LOXL3: variants seen among roughly 807,000 people sequenced by gnomAD.
LOXL3 encodes lysyl oxidase like 3, also known as lysyl oxidase homolog 3.
A neutral mutation model predicts 91.8 loss-of-function variants in LOXL3; 60 were observed. The observed-to-expected ratio is 0.65, with a 90% CI of 0.53 to 0.81. The LOEUF (loss-of-function observed/expected upper bound fraction) is 0.81. LOXL3 is among the 30% of genes least tolerant of loss of function. The probability of loss-of-function intolerance (pLI) is 0.00; values close to 1 mark genes in which losing one functional copy is unlikely to be tolerated. For missense variants in LOXL3, 874 were observed against 1,000.4 expected, an observed-to-expected ratio of 0.87 and a Z score of 1.70; for synonymous variants, 355 against 387.6, an observed-to-expected ratio of 0.92 and a Z score of 0.99.
At position 74,536,277 on chromosome 2, in the gene LOXL3, C is replaced by T. The variant is rs1156925375; in HGVS notation, c.1093+14G>A. On this transcript the variant is annotated intron_variant, in intron 6 of 13. Transcript: ENST00000264094. This position sits in a 1 kb window ranked among gnomAD's most constrained non-coding sequence, Gnocchi z 4.5. ...ACCTCCTTCCCTCTCCCTCCCACCT[C>T]CATGCCACCTCACCCTGCCCCATGC... is the stretch of plus-strand genomic sequence containing the variant. 1 of 1,613,422 alleles carries T rather than the reference C, an allele frequency of 6.2e-7. No individual in the cohort carries two copies. Among genetic ancestry groups the T allele is most frequent in the African/African-American group, 1.3e-5 (1 of 75,050 alleles).
chr2:74,551,881 A>T (rs1343251249), intron 2 of LOXL3, among the ~76,000 whole-genome samples: 1 of 152,258 alleles, frequency 6.6e-6, no homozygotes, highest in Non-Finnish European at 1.5e-5. Flanking sequence ...CCACCTTGTT[A>T]GTTTTAGCTC....
intron 1 of LOXL3, chr2:74,553,099 C>T (rs1677128122): frequency 6.3e-6 from 1 of 158,668 alleles, no homozygotes; most frequent in Admixed American, 6.3e-5. Flanking sequence ...GAACCAAGCA[C>T]ACCGCGGGTG....
At chr2:74,555,332 C>A, upstream of LOXL3, 3 of 1,613,806 alleles carry the variant, frequency 1.9e-6, no homozygotes, top group Non-Finnish European at 2.5e-6. The surrounding 1 kb of genome is among the most constrained non-coding windows in gnomAD (Gnocchi z 6.1). Flanking sequence ...ACCGTGGAGA[C>A]CCCCCCTGAG....
At chr2:74,550,494 C>A in intron 2 of LOXL3, 146 bp from the exon 3 acceptor site, 1 of 853,124 alleles carries the variant, frequency 1.2e-6, no homozygotes, top group Non-Finnish European at 1.8e-6. Flanking sequence ...GGAGACGGGA[C>A]AGGGGACCCT....
At chr2:74,552,280 A>G (rs369498832) in intron 2 of LOXL3, 42 bp downstream of exon 2, 205 of 1,555,300 alleles carry the variant, frequency 1.3e-4, no homozygotes, top group Non-Finnish European at 1.7e-4. Flanking sequence ...CACTTTGGCC[A>G]CACATAGGAA....
chr2:74,536,736 C>T lies in LOXL3; in HGVS notation c.885G>A (p.Lys295=). Residue 295 remains lysine (K), a synonymous_variant, in exon 5 of 14, where the codon AAG becomes AAA. Transcript: ENST00000264094. This position sits in a 1 kb window ranked among gnomAD's most constrained non-coding sequence, Gnocchi z 4.5. ...PVYAASSGQK[K]QQQSKPQGEA... The stretch of plus-strand genomic sequence containing the variant: ...CCCCCTGAGGCTTCGACTGTTGTTG[C>T]TTCTTCTGGCCACTGGATGCCGCGT... The T allele has an allele frequency of 6.2e-7, 1 of 1,614,162 alleles. No homozygotes were observed. The highest frequency in any genetic ancestry group is 8.5e-7 in the Non-Finnish European group (1 of 1,179,990).
Position 74,532,510 on chromosome 2 carries a change from C to T in LOXL3, c.*1096G>A, listed in dbSNP as rs536445186. 1.2e-6 allele frequency: 1 copy of T among 826,882 alleles called. No individual in the cohort carries two copies. The highest frequency in any genetic ancestry group is 2.6e-5 in the East Asian group (1 of 37,922). 51.2% of individuals were successfully genotyped at this position (826,882 alleles called of 1,614,324 possible). On this transcript the variant is annotated 3_prime_UTR_variant, in exon 14 of 14. Coordinates refer to ENST00000264094, the MANE Select transcript of LOXL3 (RefSeq NM_032603.5). ...GCCATTGTATTTTGTAGTACCTAGC[C>T]CATGTCCTGTCCATATATTTATCAA...
At chr2:74,534,067 C>G (rs1190433635) in intron 12 of LOXL3, 33 bp downstream of exon 12, 3 of 1,612,914 alleles carry the variant, frequency 1.9e-6, no homozygotes, top group Non-Finnish European at 2.5e-6. Flanking sequence ...GCTCCCCCCA[C>G]TCACCCATCT....
chr2:74,538,856 T>C (rs1357272032), intron 4 of LOXL3, among the ~76,000 whole-genome samples: 2 of 152,096 alleles, frequency 1.3e-5, no homozygotes, highest in Non-Finnish European at 2.9e-5. Context: ...GGAAGATAAG[T>C]AAACATGTGG....
At chr2:74,550,678 C>T (rs967969804) in intron 2 of LOXL3, among the ~76,000 whole-genome samples, 2 of 152,194 alleles carry the variant, frequency 1.3e-5, no homozygotes, top group African/African-American at 4.8e-5. Context: ...GCCAGGTGCT[C>T]TGCCATGGTG....
Position 74,549,283 on chromosome 2 carries a change from C to T in LOXL3, c.692+86G>A, listed in dbSNP as rs1676830350. ...CCGACCCCCGGGTCCTCCCGTGCCCCGGACCTGCTCAGATGTCTCCCAAGG... is the reference window on the plus strand; with the variant it reads ...CCGACCCCCGGGTCCTCCCGTGCCCTGGACCTGCTCAGATGTCTCCCAAGG... On this transcript the variant is annotated intron_variant, in intron 4 of 13. Coordinates refer to ENST00000264094, the MANE Select transcript of LOXL3 (RefSeq NM_032603.5). This position sits in a 1 kb window ranked among gnomAD's most constrained non-coding sequence, Gnocchi z 5.3. The T allele has an allele frequency of 2.1e-6, 3 of 1,410,002 alleles. No homozygotes were observed. The highest frequency in any genetic ancestry group is 1.9e-6 in the Non-Finnish European group (2 of 1,071,622). 87.3% of individuals were successfully genotyped at this position (1,410,002 alleles called of 1,614,324 possible).
At chr2:74,542,035 G>A (rs1317525810) in intron 4 of LOXL3, among the ~76,000 whole-genome samples, 1 of 152,220 alleles carries the variant, frequency 6.6e-6, no homozygotes, top group Non-Finnish European at 1.5e-5. Flanking sequence ...GCTTACGCCT[G>A]TAATCCCAGC....
chr2:74,542,527 C>A (rs1372958445), intron 4 of LOXL3, among the ~76,000 whole-genome samples: 3 of 152,016 alleles, frequency 2.0e-5, no homozygotes, highest in Non-Finnish European at 4.4e-5. Context: ...CATGCACACA[C>A]ACACACACAC....
chr2:74,533,781 A>G lies in LOXL3; in HGVS notation c.2188+101T>C. 7.0e-6 allele frequency: 10 copies of G among 1,426,840 alleles called. No homozygotes were observed. In the South Asian group the frequency reaches 8.2e-5, roughly 12 times the overall value. The allele number at this position is 1,426,840 out of a possible 1,614,324, so 88.4% of individuals were successfully genotyped here. On this transcript the variant is annotated intron_variant, in intron 13 of 13. Transcript: ENST00000264094. Reference sequence around the variant, plus strand: ...TAGAAGTGGAGGGACTGAGAGCTCTACAGGAAGGTGGGAAGATGGAGAAAC... The same window carrying G: ...TAGAAGTGGAGGGACTGAGAGCTCTGCAGGAAGGTGGGAAGATGGAGAAAC...
chr2:74,554,345 C>A (rs1445618150), upstream of LOXL3: 1 of 189,664 alleles, frequency 5.3e-6, no homozygotes, highest in Non-Finnish European at 1.1e-5. This position sits in a 1 kb window ranked among gnomAD's most constrained non-coding sequence, Gnocchi z 4.9. Context: ...TGGGGGCGGG[C>A]CCGGCCAGGG....
chr2:74,535,233 G>T lies in LOXL3; in HGVS notation c.1579+59C>A. On this transcript the variant is annotated intron_variant, in intron 9 of 13. Coordinates refer to ENST00000264094, the MANE Select transcript of LOXL3 (RefSeq NM_032603.5). The surrounding 1 kb of genome is among the most constrained non-coding windows in gnomAD (Gnocchi z 4.2). ...CTCCAGATTACAGCCCCCTTTCCCT[G>T]CAAACGGGTGGCCCAGACACTCCCT... 1 of 1,548,876 alleles carries T rather than the reference G, an allele frequency of 6.5e-7. No individual in the cohort carries two copies. The highest frequency in any genetic ancestry group is 8.7e-7 in the Non-Finnish European group (1 of 1,146,000).
At position 74,536,386 on chromosome 2, in the gene LOXL3, T is replaced by C; in HGVS notation, c.998A>G (p.Asp333Gly). 6.2e-7 allele frequency: 1 copy of C among 1,614,122 alleles called. No individual in the cohort carries two copies. The highest frequency in any genetic ancestry group is 8.5e-7 in the Non-Finnish European group (1 of 1,180,022). ...LKASTWGTVC[D>G]RKWDLHAASV... ...GGCTGCATGCAGGTCCCACTTGCGG[T>C]CACAGACTGTGCCCCATGTGCTGGC... Residue 333 changes from aspartate (D) to glycine (G), a missense_variant, in exon 6 of 14, where the codon GAC becomes GGC. Coordinates refer to ENST00000264094, the MANE Select transcript of LOXL3 (RefSeq NM_032603.5). The surrounding 1 kb of genome is among the most constrained non-coding windows in gnomAD (Gnocchi z 4.5).
At chr2:74,537,123 A>G (rs1175812613) in intron 4 of LOXL3, among the ~76,000 whole-genome samples, 195 bp from the exon 5 acceptor site, 1 of 152,188 alleles carries the variant, frequency 6.6e-6, no homozygotes, top group Admixed American at 6.5e-5. Flanking sequence ...GGGAGCCTCA[A>G]CTACCCAGAT....
Position 74,533,892 on chromosome 2 carries a change from G to T in LOXL3, c.2178C>A (p.Asn726Lys). The change falls in exon 13 of 14, where the codon AAC becomes AAA. Residue 726 changes from asparagine to lysine, a missense_variant. Coordinates refer to ENST00000264094, the MANE Select transcript of LOXL3 (RefSeq NM_032603.5). The part of the protein sequence containing the change: ...KYDGHRIWVH[N>K]CHIGDAFSEE... ...CTTCCCATCAAATACCAATGTGGCA[G>T]TTGTGCACCCAGATTCTATGTCCAT... The T allele has an allele frequency of 6.2e-7, 1 of 1,612,894 alleles. No individual in the cohort carries two copies. Among genetic ancestry groups the T allele is most frequent in the Non-Finnish European group, 8.5e-7 (1 of 1,178,922 alleles).
Sources: allele counts gnomAD v4.1 joint callset (sites outside exome capture counted in the v4.1 genomes callset), GRCh38; gene constraint gnomAD v4.1.1; non-coding constraint Gnocchi (gnomAD v3.1); transcripts MANE v1.5; gene names NCBI Gene and HGNC (gene_info 2026-07-23, HGNC 2026-07-21).